The following C1S variants were observed in gnomAD, a reference collection of about 807,000 sequenced individuals.
C1S encodes complement C1s.
Under a neutral mutation model 54.0 loss-of-function variants are expected in C1S, and 31 were observed. That is an observed-to-expected ratio of 0.57 (90% CI 0.43 to 0.78). The LOEUF is 0.78. Ranked by LOEUF, C1S falls within the 30% of genes least tolerant of loss-of-function variation. The probability of loss-of-function intolerance (pLI) is 0.00; values close to 1 mark genes in which losing one functional copy is unlikely to be tolerated. For missense variants in C1S, 727 were observed against 851.8 expected (o/e 0.85, Z 1.82); for synonymous variants, 292 against 303.6 (o/e 0.96, Z 0.40).
At position 7,062,529 on chromosome 12, in the gene C1S, T is replaced by C; in HGVS notation, c.60T>C (p.Tyr20=). 6.2e-7 allele frequency: 1 copy of C among 1,613,942 alleles called. No homozygotes were observed. Among genetic ancestry groups the C allele is most frequent in the African/African-American group, 1.3e-5 (1 of 75,038 alleles). Residue 20 remains tyrosine (Y), a synonymous_variant, in exon 3 of 12, where the codon TAT becomes TAC. Coordinates refer to ENST00000360817, the MANE Select transcript of C1S (RefSeq NM_001734.5). ...GGGTTTATGCTGAGCCTACCATGTA[T>C]GGGGAGATCCTGTCCCCTAACTATC... ...LAWVYAEPTM[Y]GEILSPNYPQ...
rs781861701 is a variant in C1S at position 7,065,137 on chromosome 12, G to A, written c.555G>A (p.Gly185=). Reference sequence around the variant, plus strand: ...GGGATGTATTCACTGCACTGATTGGGGAGATTGCAAGTCCCAATTATCCCA... The same window carrying A: ...GGGATGTATTCACTGCACTGATTGGAGAGATTGCAAGTCCCAATTATCCCA... ...CSGDVFTALI[G]EIASPNYPKP... The change falls in exon 6 of 12, where the codon GGG becomes GGA. Residue 185 remains glycine, a synonymous_variant. Coordinates refer to ENST00000360817, the MANE Select transcript of C1S (RefSeq NM_001734.5). 1.2e-6 allele frequency: 2 copies of A among 1,614,050 alleles called. No homozygotes were observed. The highest frequency in any genetic ancestry group is 8.5e-7 in the Non-Finnish European group (1 of 1,179,980).
chr12:7,067,108 A>C lies in C1S; in HGVS notation c.1057A>C (p.Lys353Gln). 1.3e-6 allele frequency: 2 copies of C among 1,598,138 alleles called. No individual in the cohort carries two copies. Among genetic ancestry groups the C allele is most frequent in the South Asian group, 2.2e-5 (2 of 90,772 alleles). Residue 353 changes from lysine (K) to glutamine (Q), a missense_variant, in exon 9 of 12, where the codon AAA (lysine) becomes CAA (glutamine). Physicochemically the swap from Lys to Gln is moderately conservative, Grantham distance 53. Transcript: ENST00000360817. ...SNGKWSNSKL[K>Q]CQPVDCGIPE... is the part of the protein sequence containing the mutation. ...TGGAAAGTGGAGTAATTCCAAACTGAAATGTCAACGTATGTGTCTCTTCAA... is the reference window on the plus strand; with the variant it reads ...TGGAAAGTGGAGTAATTCCAAACTGCAATGTCAACGTATGTGTCTCTTCAA...
intron 1 of C1S, chr12:7,061,465 A>G (rs1591573927): frequency 9.3e-6 from 3 of 323,396 alleles, no homozygotes; most frequent in Admixed American, 4.1e-5. Context: ...ATGCGCCAAG[A>G]CTGTTGAAAA....
In C1S at chr12:7,070,402, TGCAGAG is replaced by T; in HGVS notation, c.1821_1826del (p.Glu608_Ala609del). On this transcript the variant is annotated inframe_deletion, in exon 12 of 12. Transcript: ENST00000360817. The surrounding 1 kb of genome is among the most constrained non-coding windows in gnomAD (Gnocchi z 4.9). Reference sequence around the variant, plus strand: ...TGAAAGTGGAGAAACCCACAGCAGATGCAGAGGCCTATGTTTTCACTCCTAACATGA... The same window carrying T: ...TGAAAGTGGAGAAACCCACAGCAGATGCCTATGTTTTCACTCCTAACATGA... The T allele has an allele frequency of 1.2e-6, 2 of 1,614,258 alleles. No individual in the cohort carries two copies. The highest frequency in any genetic ancestry group is 2.2e-5 in the South Asian group (2 of 91,090).
chr12:7,065,416 T>G, intron 6 of C1S, 117 bp downstream of exon 6: 1 of 784,818 alleles, frequency 1.3e-6, no homozygotes, highest in Non-Finnish European at 2.2e-6. Context: ...AGTGCAGTGG[T>G]GCAATCACAG....
intron 5 of C1S, 83 bp downstream of exon 5, chr12:7,064,475 A>G (rs1947144510): frequency 6.8e-7 from 1 of 1,468,114 alleles, no homozygotes; most frequent in Non-Finnish European, 9.5e-7. Context: ...CCACCCTTCC[A>G]ACTTCGATTA....
rs1555162128 is a variant in C1S at position 7,065,869 on chromosome 12, G to A, written c.770G>A (p.Gly257Glu). Residue 257 changes from glycine (G) to glutamate (E), a missense_variant, in exon 7 of 12, where the codon GGG becomes GAG. By Grantham distance (98) the Gly-to-Glu change is moderately conservative. Around this residue, in one of 3 missense-constraint regions of C1S, gnomAD observed 357 missense variants for 365.4 expected, o/e 0.98. Transcript: ENST00000360817. ...FGPYCGHGFP[G>E]PLNIETKSNA... ...CCTTACTGTGGTCATGGATTCCCTGGGCCTCTAAATATTGAAACCAAGAGT... is the reference window on the plus strand; with the variant it reads ...CCTTACTGTGGTCATGGATTCCCTGAGCCTCTAAATATTGAAACCAAGAGT... The A allele has an allele frequency of 6.2e-7, 1 of 1,613,120 alleles. No individual in the cohort carries two copies. The highest frequency in any genetic ancestry group is 1.7e-5 in the Admixed American group (1 of 59,992).
In C1S at chr12:7,062,920, C is replaced by G; in HGVS notation, c.244C>G (p.Leu82Val). Reference sequence around the variant, plus strand: ...CTCAGGAGACACTGAAGAAGGGAGGCTCTGTGGACAGAGGAGCAGTAACAA... The same window carrying G: ...CTCAGGAGACACTGAAGAAGGGAGGGTCTGTGGACAGAGGAGCAGTAACAA... ...IISGDTEEGRLCGQRSSNNPH... is the reference protein window; with the variant it reads ...IISGDTEEGRVCGQRSSNNPH... Residue 82 changes from leucine (L) to valine (V), a missense_variant, in exon 4 of 12, where the codon CTC (leucine) becomes GTC (valine). Physicochemically the swap from Leu to Val is conservative, Grantham distance 32. This residue lies in a region of C1S where 357 missense variants were observed against 365.4 expected (regional missense o/e 0.98). Transcript: ENST00000360817. 6.2e-7 allele frequency: 1 copy of G among 1,614,032 alleles called. No homozygotes were observed.
At chr12:7,068,393 G>A (rs1413339371) in intron 10 of C1S, 63 bp from the exon 11 acceptor site, 2 of 1,202,276 alleles carry the variant, frequency 1.7e-6, no homozygotes, top group Non-Finnish European at 1.2e-6. Context: ...TGGGGTCGGA[G>A]GGGGGAATGG....
At position 7,067,345 on chromosome 12, in the gene C1S, G is replaced by A. The variant is rs1937694496; in HGVS notation, c.1066+228G>A. 35 of 628,364 alleles carry A rather than the reference G, an allele frequency of 5.6e-5. 1 individual carries two copies. In the South Asian group the frequency reaches 6.1e-4, roughly 11 times the overall value. 38.9% of individuals were successfully genotyped at this position (628,364 alleles called of 1,614,324 possible). On this transcript the variant is annotated intron_variant, in intron 9 of 11. Transcript: ENST00000360817. ...CAAGAAAGGGGCTATGGGATAGGTC[G>A]AGTTAGTAGCCCCACGTGGGTGCAT...
At position 7,063,073 on chromosome 12, in the gene C1S, G is replaced by T; in HGVS notation, c.391+6G>T. The T allele has an allele frequency of 6.2e-7, 1 of 1,611,782 alleles. No individual in the cohort carries two copies. Among genetic ancestry groups the T allele is most frequent in the Non-Finnish European group, 8.5e-7 (1 of 1,179,676 alleles). On this transcript the variant is annotated splice_donor_region_variant and intron_variant, in intron 4 of 11. Coordinates refer to ENST00000360817, the MANE Select transcript of C1S (RefSeq NM_001734.5). Reference sequence around the variant, plus strand: ...TGCATACTATGTTGCCACAGGTAAGGCTCACCCTTCTGCATGTGCCTTATT... The same window carrying T: ...TGCATACTATGTTGCCACAGGTAAGTCTCACCCTTCTGCATGTGCCTTATT...
chr12:7,070,346 C>T lies in C1S; in HGVS notation c.1762C>T (p.Pro588Ser), dbSNP rs782306626. 1.2e-6 allele frequency: 2 copies of T among 1,614,232 alleles called. No homozygotes were observed. Among genetic ancestry groups the T allele is most frequent in the South Asian group, 2.2e-5 (2 of 91,086 alleles). ...TGTTCGCCTCAAGGCGGCAAGGTTA[C>T]CTGTAGCTCCTTTAAGAAAATGCAA... ...RAVRLKAARL[P>S]VAPLRKCKEV... The change falls in exon 12 of 12, where the codon CCT (proline) becomes TCT (serine). Residue 588 changes from proline (P) to serine (S), a missense_variant. Coordinates refer to ENST00000360817, the MANE Select transcript of C1S (RefSeq NM_001734.5). The surrounding 1 kb of genome is among the most constrained non-coding windows in gnomAD (Gnocchi z 4.9).
In C1S at chr12:7,070,096, T is replaced by A; in HGVS notation, c.1512T>A (p.Thr504=). Residue 504 remains threonine (T), a synonymous_variant, in exon 12 of 12, where the codon ACT becomes ACA. Coordinates refer to ENST00000360817, the MANE Select transcript of C1S (RefSeq NM_001734.5). This position sits in a 1 kb window ranked among gnomAD's most constrained non-coding sequence, Gnocchi z 4.9. ...GGCTGGCAAAATCCAAGATGCTCAC[T>A]CCTGAGCATGTGTTTATTCATCCGG... ...TSRLAKSKML[T]PEHVFIHPGW... is the part of the protein sequence containing the mutation. 6.2e-7 allele frequency: 1 copy of A among 1,614,056 alleles called. No individual in the cohort carries two copies. Among genetic ancestry groups the A allele is most frequent in the Non-Finnish European group, 8.5e-7 (1 of 1,179,974 alleles).
Position 7,064,409 on chromosome 12 carries a change from G to A in C1S, c.517+17G>A, listed in dbSNP as rs868933238. The A allele has an allele frequency of 1.2e-6, 2 of 1,614,084 alleles. No individual in the cohort carries two copies. Among genetic ancestry groups the A allele is most frequent in the Middle Eastern group, 3.3e-4 (2 of 6,062 alleles). ...ATTGCGGAGGTGAGCTTGGTGTTAA[G>A]AGGGTTGCATGTTCCCTGGGATTTG... On this transcript the variant is annotated intron_variant, in intron 5 of 11. Transcript: ENST00000360817.
intron 2 of C1S, 111 bp from the exon 3 acceptor site, chr12:7,062,364 C>T (rs1055339275): frequency 1.7e-5 from 14 of 803,556 alleles, no homozygotes; most frequent in African/African-American, 3.4e-5. Context: ...CCCCCATGGC[C>T]GATTGACTGC....
chr12:7,069,476 G>A lies in C1S; in HGVS notation c.1271-379G>A, dbSNP rs782324693. Among the ~76,000 whole-genome samples, 20 of 152,340 alleles carry A rather than the reference G, an allele frequency of 1.3e-4. 1 individual carries two copies. The South Asian group carries it at 4.1e-3, about 32-fold the overall frequency. On this transcript the variant is annotated intron_variant, in intron 11 of 11. Transcript: ENST00000360817. Reference sequence around the variant, plus strand: ...TCCTCCACCATCTGTGTGAGAAAAGGGTTTCCAGCACTGGCTCTTGATTGG... The same window carrying A: ...TCCTCCACCATCTGTGTGAGAAAAGAGTTTCCAGCACTGGCTCTTGATTGG...
rs1947169884 is a variant in C1S at position 7,065,928 on chromosome 12, A to G, written c.829A>G (p.Thr277Ala). Residue 277 changes from threonine (T) to alanine (A), a missense_variant, in exon 7 of 12, where the codon ACA becomes GCA. Coordinates refer to ENST00000360817, the MANE Select transcript of C1S (RefSeq NM_001734.5). ...ALDIIFQTDLTGQKKGWKLRY... is the reference protein window; with the variant it reads ...ALDIIFQTDLAGQKKGWKLRY... ...TGATATCATCTTCCAAACTGATCTA[A>G]CAGGGCAAAAAAAGGGCTGGAAACT... 4 of 1,613,934 alleles carry G rather than the reference A, an allele frequency of 2.5e-6. No individual in the cohort carries two copies. The highest frequency in any genetic ancestry group is 3.4e-6 in the Non-Finnish European group (4 of 1,179,948).
intron 9 of C1S, 84 bp downstream of exon 9, chr12:7,067,201 T>A (rs1310379743): frequency 2.0e-6 from 2 of 1,011,640 alleles, no homozygotes; most frequent in African/African-American, 3.2e-5. Context: ...AAATGCATGG[T>A]TTCCTCTTAG....
intron 4 of C1S, 127 bp from the exon 5 acceptor site, chr12:7,064,140 G>C (rs1256163662): frequency 3.2e-6 from 3 of 935,246 alleles, no homozygotes; most frequent in Non-Finnish European, 5.3e-6. Context: ...CCTGAAATGT[G>C]ATCCCTTGAC....
Sources: allele counts gnomAD v4.1 joint callset (sites outside exome capture counted in the v4.1 genomes callset), GRCh38; gene constraint gnomAD v4.1.1; regional missense constraint gnomAD v4.1.1; non-coding constraint Gnocchi (gnomAD v3.1); transcripts MANE v1.5; gene names NCBI Gene and HGNC (gene_info 2026-07-23, HGNC 2026-07-21).